The following SLIT2 variants were observed in gnomAD, a reference collection of about 807,000 sequenced individuals.
SLIT2 encodes the protein slit guidance ligand 2.
Under a neutral mutation model 185.7 loss-of-function variants are expected in SLIT2, and 41 were observed. The ratio of observed to expected loss-of-function variants is 0.22; its 90% CI spans 0.17 to 0.29. SLIT2 has a LOEUF of 0.29. Among genes scored for constraint, SLIT2 ranks in the 10% least tolerant of loss-of-function variants. SLIT2 has a pLI of 1.00. For missense variants in SLIT2, 1,571 were observed against 1,909.0 expected (o/e 0.82, Z 3.30); for synonymous variants, 693 against 680.2 (o/e 1.02, Z -0.29).
chr4:20,255,428 C>T (rs1711711529), intron 1 of SLIT2, among the ~76,000 whole-genome samples: 1 of 152,186 alleles, frequency 6.6e-6, no homozygotes. Context: ...CTAGGGGTGC[C>T]TTGTCAGGAT....
rs11415966 is a variant in SLIT2 at position 20,330,705 on chromosome 4, A to ATT, written c.395+61831_395+61832dup. ...GTGGATTCTTTGATTTGGGAATGGT[A>ATT]TTTTTTTTCCTATTTCCAGAAAATT... On this transcript the variant is annotated intron_variant, in intron 4 of 36. Coordinates refer to ENST00000504154, the MANE Select transcript of SLIT2 (RefSeq NM_004787.4). Among the ~76,000 whole-genome samples the ATT allele has an allele frequency of 5.3e-5, 8 of 151,592 alleles. No homozygotes were observed. The East Asian group carries it at 5.8e-4, about 11-fold the overall frequency.
intron 4 of SLIT2, among the ~76,000 whole-genome samples, chr4:20,466,068 A>G (rs1303072661): frequency 6.6e-6 from 1 of 152,092 alleles, no homozygotes; most frequent in African/African-American, 2.4e-5. Flanking sequence ...TTTAGGAGGC[A>G]TTGTAAACAG....
chr4:20,488,426 C>T (rs1418740590), intron 7 of SLIT2, among the ~76,000 whole-genome samples: 3 of 152,168 alleles, frequency 2.0e-5, no homozygotes, highest in African/African-American at 7.2e-5. Context: ...ATTGATATTT[C>T]AAACTGGGAG....
At chr4:20,594,159 A>G (rs983373191) in intron 30 of SLIT2, among the ~76,000 whole-genome samples, 2 of 148,960 alleles carry the variant, frequency 1.3e-5, no homozygotes, top group African/African-American at 4.9e-5. Flanking sequence ...ATACATATGT[A>G]TGTGTGTATA....
At position 20,459,863 on chromosome 4, in the gene SLIT2, A is replaced by ATTTT. The variant is rs200920585; in HGVS notation, c.396-7875_396-7872dup. On this transcript the variant is annotated intron_variant, in intron 4 of 36. Transcript: ENST00000504154. Reference sequence around the variant, plus strand: ...CATCTTGCAAATTGCCATGTTTGGAATTTTTTTTTTTTTTTTTGAGATGGG... The same window carrying ATTTT: ...CATCTTGCAAATTGCCATGTTTGGAATTTTTTTTTTTTTTTTTTTTTGAGATGGG... Among the ~76,000 whole-genome samples the ATTTT allele has an allele frequency of 1.8e-3, 255 of 138,880 alleles. 3 individuals carry two copies. The highest frequency in any genetic ancestry group is 3.7e-3 in the Middle Eastern group (1 of 270). 91.1% of individuals were successfully genotyped at this position (138,880 alleles called of 152,430 possible).
intron 31 of SLIT2, 101 bp from the exon 32 acceptor site, chr4:20,596,314 G>A: frequency 1.8e-6 from 2 of 1,107,234 alleles, no homozygotes; most frequent in Non-Finnish European, 2.6e-6. Context: ...AAACAAGGAA[G>A]TGCACATATA....
At chr4:20,519,752 A>T (rs1720649440) in intron 12 of SLIT2, among the ~76,000 whole-genome samples, 1 of 152,048 alleles carries the variant, frequency 6.6e-6, no homozygotes, top group Non-Finnish European at 1.5e-5. Flanking sequence ...TTTTAATGTA[A>T]CCAGTAGTTG....
intron 4 of SLIT2, among the ~76,000 whole-genome samples, chr4:20,466,632 G>A (rs561990187): frequency 2.0e-5 from 3 of 152,200 alleles, no homozygotes; most frequent in Non-Finnish European, 2.9e-5. Flanking sequence ...TCTCTGTTGC[G>A]TGGCCACAAA....
chr4:20,554,860 T>G (rs896264198), intron 26 of SLIT2, among the ~76,000 whole-genome samples: 3 of 151,904 alleles, frequency 2.0e-5, no homozygotes, highest in Non-Finnish European at 2.9e-5. Context: ...ACCTCCCGGG[T>G]CCCGGCTCAA....
chr4:20,421,376 T>C (rs1459306724), intron 4 of SLIT2, among the ~76,000 whole-genome samples: 1 of 152,288 alleles, frequency 6.6e-6, no homozygotes, highest in East Asian at 1.9e-4. Flanking sequence ...TTTTCATTTC[T>C]TGCCTGCAGT....
At chr4:20,337,533 G>A (rs1720606916) in intron 4 of SLIT2, among the ~76,000 whole-genome samples, 1 of 152,152 alleles carries the variant, frequency 6.6e-6, no homozygotes, top group South Asian at 2.1e-4. Flanking sequence ...TGGGGACACA[G>A]CCAAACCATA....
intron 9 of SLIT2, among the ~76,000 whole-genome samples, chr4:20,498,205 T>A (rs979235586): frequency 6.6e-5 from 10 of 151,798 alleles, no homozygotes; most frequent in African/African-American, 2.4e-4. Context: ...AAATAAAATG[T>A]GACAAAGCAG....
At chr4:20,491,616 T>C in intron 8 of SLIT2, 145 bp from the exon 9 acceptor site, 4 of 602,754 alleles carry the variant, frequency 6.6e-6, no homozygotes, top group Non-Finnish European at 2.7e-6. Flanking sequence ...CTAAAATATA[T>C]TTTAGAAATA....
At chr4:20,585,847 T>C (rs1279863474) in intron 29 of SLIT2, among the ~76,000 whole-genome samples, 3 of 152,172 alleles carry the variant, frequency 2.0e-5, no homozygotes, top group East Asian at 3.9e-4. Flanking sequence ...ACTAACTCAG[T>C]ACTAGCTCTG....
chr4:20,450,157 G>T (rs562672407), intron 4 of SLIT2, among the ~76,000 whole-genome samples: 1 of 152,218 alleles, frequency 6.6e-6, no homozygotes, highest in South Asian at 2.1e-4. Context: ...ATGGTATTTT[G>T]ATGATGCTTC....
chr4:20,540,156 C>T (rs1722677088), intron 19 of SLIT2, among the ~76,000 whole-genome samples: 1 of 151,922 alleles, frequency 6.6e-6, no homozygotes, highest in African/African-American at 2.4e-5. Flanking sequence ...GGCATGGTGA[C>T]AGGTGCCTGT....
chr4:20,527,862 T>G (rs1721436532), intron 15 of SLIT2, among the ~76,000 whole-genome samples: 1 of 152,222 alleles, frequency 6.6e-6, no homozygotes, highest in Non-Finnish European at 1.5e-5. Context: ...TTCACCATTT[T>G]GGCTGTAAGT....
intron 9 of SLIT2, among the ~76,000 whole-genome samples, chr4:20,507,721 A>G (rs1367669634): frequency 6.6e-6 from 1 of 151,770 alleles, no homozygotes; most frequent in Admixed American, 6.6e-5. Context: ...CTGAAATAAT[A>G]TCTATGAAAA....
chr4:20,570,736 T>TAC (rs1471938959), intron 29 of SLIT2, among the ~76,000 whole-genome samples: 1 of 18,984 alleles, frequency 5.3e-5, no homozygotes, highest in African/African-American at 2.1e-4. Flanking sequence ...TATATGTATA[T>TAC]ATATATATAT....
Sources: allele counts gnomAD v4.1 joint callset (sites outside exome capture counted in the v4.1 genomes callset), GRCh38; gene constraint gnomAD v4.1.1; transcripts MANE v1.5; gene names NCBI Gene and HGNC (gene_info 2026-07-23, HGNC 2026-07-21).